BTBD9: variants seen among roughly 807,000 people sequenced by gnomAD.
The protein encoded by BTBD9 is BTB domain containing 9.
In BTBD9, 49 loss-of-function variants were observed where a neutral mutation model predicts 64.3. The observed-to-expected ratio is 0.76, with a 90% confidence interval of 0.61 to 0.97. The LOEUF (loss-of-function observed/expected upper bound fraction) is 0.97. Ranked by LOEUF, BTBD9 falls within the 50% of genes least tolerant of loss-of-function variation. The pLI is 0.00. For synonymous variants in BTBD9, 260 were observed against 274.7 expected (o/e 0.95, Z 0.53); for missense variants, 598 against 762.1 (o/e 0.78, Z 2.53).
chr6:38,279,533 G>GT (rs1344930513), intron 8 of BTBD9, among the ~76,000 whole-genome samples: 1 of 152,112 alleles, frequency 6.6e-6, no homozygotes, highest in African/African-American at 2.4e-5. Flanking sequence ...GCAATTTGAT[G>GT]TATTAAATGT....
chr6:38,449,881 T>C (rs1394496081), intron 6 of BTBD9, among the ~76,000 whole-genome samples: 1 of 152,182 alleles, frequency 6.6e-6, no homozygotes, highest in Admixed American at 6.5e-5. Context: ...AATGATTTCC[T>C]AGGTATGGCC....
chr6:38,362,333 G>A (rs1764995029), intron 6 of BTBD9, among the ~76,000 whole-genome samples: 1 of 152,174 alleles, frequency 6.6e-6, no homozygotes, highest in Non-Finnish European at 1.5e-5. Context: ...TGATCTTTCT[G>A]AAAGCAGAGA....
In BTBD9 at chr6:38,205,888, A is replaced by AAAAAAAAAAG. The variant is rs1329275394; in HGVS notation, c.1563-13292_1563-13291insCTTTTTTTTT. 1.7e-3 allele frequency among the ~76,000 whole-genome samples: 246 copies of AAAAAAAAAAG among 144,572 alleles called. 7 individuals are homozygous for AAAAAAAAAAG. Among genetic ancestry groups the AAAAAAAAAAG allele is most frequent in the African/African-American group, 6.0e-3 (235 of 39,028 alleles). The allele number at this position is 144,572 out of a possible 152,430, so 94.8% of individuals were successfully genotyped here. On this transcript the variant is annotated intron_variant, in intron 9 of 10. Transcript: ENST00000481247. ...GAGCAGGAGTCTGTCTCAAAAAAAAAAAAGAAAGAAAGAAAGAAAGGAAGT... is the reference window on the plus strand; with the variant it reads ...GAGCAGGAGTCTGTCTCAAAAAAAAAAAAAAAAAAGAAAGAAAGAAAGAAAGAAAGGAAGT...
rs186710921 is a variant in BTBD9 at position 38,399,346 on chromosome 6, G to T, written c.1155-54253C>A. On this transcript the variant is annotated intron_variant, in intron 6 of 10. Coordinates refer to ENST00000481247, the MANE Select transcript of BTBD9 (RefSeq NM_001099272.2). ...AAATACTACACACATATAATCACAT[G>T]AAAGGCAACAGTGCAAGTGAAAGAA... 2.2e-3 allele frequency among the ~76,000 whole-genome samples: 336 copies of T among 152,212 alleles called. 2 individuals are homozygous for T. Among genetic ancestry groups the T allele is most frequent in the African/African-American group, 7.5e-3 (313 of 41,522 alleles).
intron 6 of BTBD9, among the ~76,000 whole-genome samples, chr6:38,420,433 G>A (rs1483562461): frequency 6.6e-6 from 1 of 152,120 alleles, no homozygotes; most frequent in African/African-American, 2.4e-5. Flanking sequence ...CCTGGGTCAT[G>A]GACCTTTGAG....
At chr6:38,360,782 A>G (rs1764921346) in intron 6 of BTBD9, among the ~76,000 whole-genome samples, 1 of 152,014 alleles carries the variant, frequency 6.6e-6, no homozygotes. Flanking sequence ...AAGGCGGAAC[A>G]CAGGGTGTGG....
chr6:38,514,532 A>G (rs1032797561), intron 6 of BTBD9, among the ~76,000 whole-genome samples: 3 of 152,092 alleles, frequency 2.0e-5, no homozygotes, highest in Non-Finnish European at 2.9e-5. Flanking sequence ...AACAAAGTCC[A>G]CCCCTTTCAT....
intron 6 of BTBD9, among the ~76,000 whole-genome samples, chr6:38,462,603 T>G (rs1770152580): frequency 6.6e-6 from 1 of 152,192 alleles, no homozygotes; most frequent in Non-Finnish European, 1.5e-5. Context: ...CAAATCCGTT[T>G]TGACTAATTT....
At chr6:38,196,510 G>A (rs2143403) in intron 9 of BTBD9, among the ~76,000 whole-genome samples, 88,329 of 152,050 alleles carry the variant, frequency 0.58, 26,458 homozygotes, top group African/African-American at 0.63. Context: ...GAGGTTCTTG[G>A]GACACCCAAG....
At chr6:38,315,500 A>G (rs1762999936) in intron 7 of BTBD9, among the ~76,000 whole-genome samples, 1 of 151,284 alleles carries the variant, frequency 6.6e-6, no homozygotes, top group African/African-American at 2.4e-5. Flanking sequence ...AGGTTTTGGT[A>G]TGTTGTGTTT....
chr6:38,588,602 C>A, intron 4 of BTBD9: 1 of 340,766 alleles, frequency 2.9e-6, no homozygotes, highest in Non-Finnish European at 4.9e-6. Flanking sequence ...CTGTTTTAAT[C>A]TGTAATGAAG....
At chr6:38,425,927 T>TACACACAC (rs61016424) in intron 6 of BTBD9, among the ~76,000 whole-genome samples, 18,947 of 136,930 alleles carry the variant, frequency 0.14, 1,578 homozygotes, top group East Asian at 0.4. Flanking sequence ...AAGAAACACA[T>TACACACAC]ACACACACAC....
At chr6:38,471,753 C>T (rs1168824775) in intron 6 of BTBD9, among the ~76,000 whole-genome samples, 5 of 152,126 alleles carry the variant, frequency 3.3e-5, no homozygotes, top group African/African-American at 1.2e-4. Context: ...ATCCCTGAAT[C>T]GTCTCCTCCA....
At chr6:38,357,318 T>C (rs893507402) in intron 6 of BTBD9, among the ~76,000 whole-genome samples, 12 of 152,208 alleles carry the variant, frequency 7.9e-5, no homozygotes, top group African/African-American at 2.9e-4. Flanking sequence ...TTTGGGGGCC[T>C]GTTAAGTCAT....
chr6:38,296,063 A>C (rs73422811), intron 7 of BTBD9, among the ~76,000 whole-genome samples: 1 of 148,422 alleles, frequency 6.7e-6, no homozygotes, highest in African/African-American at 2.6e-5. Flanking sequence ...AACAGAAACA[A>C]AAACAAAAAA....
At chr6:38,189,576 G>A (rs997404683) in intron 10 of BTBD9, among the ~76,000 whole-genome samples, 2 of 152,030 alleles carry the variant, frequency 1.3e-5, no homozygotes, top group South Asian at 2.1e-4. Context: ...CTGCAGCCTC[G>A]AACTCCTAGG....
chr6:38,598,151 T>C, intron 1 of BTBD9, 30 bp from the exon 2 acceptor site: 2 of 1,536,232 alleles, frequency 1.3e-6, no homozygotes, highest in Admixed American at 1.8e-5. Flanking sequence ...TGAGAGTTAG[T>C]TGGGGGAGGG....
intron 1 of BTBD9, among the ~76,000 whole-genome samples, chr6:38,633,731 G>A (rs2127534870): frequency 6.6e-6 from 1 of 152,076 alleles, no homozygotes; most frequent in East Asian, 1.9e-4. Flanking sequence ...AGTACTTATC[G>A]TATTCTTTTT....
At chr6:38,363,215 C>G (rs1423726464) in intron 6 of BTBD9, among the ~76,000 whole-genome samples, 2 of 152,164 alleles carry the variant, frequency 1.3e-5, no homozygotes, top group Non-Finnish European at 2.9e-5. Context: ...CAGCCTCCAG[C>G]ATAGCTGGGA....
Sources: gnomAD v4.1 joint callset for allele counts (sites outside exome capture counted in the v4.1 genomes callset) on GRCh38, gnomAD v4.1.1 for gene constraint, MANE v1.5 for transcripts, NCBI Gene and HGNC (gene_info 2026-07-23, HGNC 2026-07-21) for gene names.